The following SLC25A37 variants were observed in gnomAD, a reference collection of about 807,000 sequenced individuals.
SLC25A37 encodes mitoferrin-1.
A neutral mutation model predicts 31.0 loss-of-function variants in SLC25A37; 17 were observed. That is an observed-to-expected ratio of 0.55 (90% CI 0.38 to 0.82). The LOEUF (loss-of-function observed/expected upper bound fraction) is 0.82, where lower values mean the gene tolerates loss of function less well. SLC25A37 is among the 40% of genes least tolerant of loss of function. The probability of loss-of-function intolerance (pLI) is 0.00; values close to 1 mark genes in which losing one functional copy is unlikely to be tolerated. For missense variants in SLC25A37, 404 were observed against 465.8 expected, an observed-to-expected ratio of 0.87 and a Z score of 1.22; for synonymous variants, 222 against 193.0, an observed-to-expected ratio of 1.15 and a Z score of -1.24.
intron 1 of SLC25A37, among the ~76,000 whole-genome samples, chr8:23,557,013 G>A (rs1427086401): frequency 1.3e-5 from 2 of 152,112 alleles, no homozygotes; most frequent in Non-Finnish European, 2.9e-5. Context: ...ACTACACCTG[G>A]CTAATTTTTA....
intron 1 of SLC25A37, chr8:23,543,074 AT>A (rs775509439): frequency 1.8e-4 from 20 of 112,640 alleles, no homozygotes; most frequent in South Asian, 3.0e-4. Context: ...AATTTTATTT[AT>A]TTTTTTTTTT....
rs765943057 is a variant in SLC25A37 at position 23,571,455 on chromosome 8, C to G, written c.617C>G (p.Thr206Ser). 2.5e-6 allele frequency: 4 copies of G among 1,613,898 alleles called. No individual in the cohort carries two copies. In the African/African-American group the frequency reaches 5.3e-5, roughly 22 times the overall value. ...AFYRSYTTQLTMNIPFQSIHF... is the reference protein window; with the variant it reads ...AFYRSYTTQLSMNIPFQSIHF... ...TACCGGAGCTACACCACGCAGCTGA[C>G]CATGAACATCCCCTTCCAGTCCATC... The change falls in exon 4 of 4, where the codon ACC becomes AGC. Residue 206 changes from threonine (T) to serine (S), a missense_variant. This residue lies in a region of SLC25A37 where 243 missense variants were observed against 284.4 expected (regional missense o/e 0.85). Transcript: ENST00000519973.
In SLC25A37 at chr8:23,543,816, G is replaced by T. The variant is rs376306282; in HGVS notation, c.210+14604G>T. Among the ~76,000 whole-genome samples the T allele has an allele frequency of 1.3e-4, 19 of 149,888 alleles. No homozygotes were observed. In the East Asian group the frequency reaches 1.4e-3, roughly 11 times the overall value. On this transcript the variant is annotated intron_variant, in intron 1 of 3. Transcript: ENST00000519973. Reference sequence around the variant, plus strand: ...CTCCCAAGATGCTGGGATTACAGGCGTGAGCCACTGCGCCCAGCAAAAAAC... The same window carrying T: ...CTCCCAAGATGCTGGGATTACAGGCTTGAGCCACTGCGCCCAGCAAAAAAC...
chr8:23,531,395 G>A (rs981525689), intron 1 of SLC25A37, among the ~76,000 whole-genome samples: 6 of 152,166 alleles, frequency 3.9e-5, no homozygotes, highest in East Asian at 1.9e-4. Context: ...TTCATGCCTC[G>A]GGCACTGTTC....
intron 1 of SLC25A37, chr8:23,531,902 A>G (rs1198152391): frequency 6.6e-6 from 1 of 152,192 alleles, no homozygotes; most frequent in Non-Finnish European, 1.5e-5. Flanking sequence ...CTCTGCATTT[A>G]AAAATAAATA....
intron 1 of SLC25A37, among the ~76,000 whole-genome samples, chr8:23,560,003 A>G (rs1254218094): frequency 6.6e-6 from 1 of 152,174 alleles, no homozygotes; most frequent in Non-Finnish European, 1.5e-5. Context: ...TACATTTTAC[A>G]GGTAGTGGAG....
chr8:23,529,354 G>C lies in SLC25A37; in HGVS notation c.210+142G>C, dbSNP rs1269595477. 2.9e-6 allele frequency: 2 copies of C among 687,654 alleles called. No individual in the cohort carries two copies. Among genetic ancestry groups the C allele is most frequent in the African/African-American group, 3.8e-5 (2 of 52,996 alleles). The allele number at this position is 687,654 out of a possible 1,614,324, so 42.6% of individuals were successfully genotyped here. ...ACCGCGGCTGGCCGGGGTCGCCCCA[G>C]GAGCAGCTGCGCGCAGCCTGGGCGC... On this transcript the variant is annotated intron_variant, in intron 1 of 3. Transcript: ENST00000519973. This position sits in a 1 kb window ranked among gnomAD's most constrained non-coding sequence, Gnocchi z 4.1.
At chr8:23,568,272 C>T in intron 2 of SLC25A37, 50 bp from the exon 3 acceptor site, 1 of 1,606,684 alleles carries the variant, frequency 6.2e-7, no homozygotes, top group Non-Finnish European at 8.5e-7. Flanking sequence ...CCAGGAACTT[C>T]CTGAGAACAC....
chr8:23,568,090 T>G, intron 2 of SLC25A37: 1 of 583,896 alleles, frequency 1.7e-6, no homozygotes. Context: ...AAGAAAACCA[T>G]GTTTTTGCAA....
At chr8:23,554,398 G>C (rs555754244) in intron 1 of SLC25A37, among the ~76,000 whole-genome samples, 1 of 152,352 alleles carries the variant, frequency 6.6e-6, no homozygotes, top group East Asian at 1.9e-4. Context: ...TGGCAGCTCA[G>C]TTCCCTCTCC....
intron 1 of SLC25A37, among the ~76,000 whole-genome samples, chr8:23,533,616 T>G (rs1056837742): frequency 6.6e-6 from 1 of 152,252 alleles, no homozygotes; most frequent in South Asian, 2.1e-4. Flanking sequence ...TTCCTTCTTC[T>G]GACTCATCGG....
intron 1 of SLC25A37, among the ~76,000 whole-genome samples, chr8:23,550,338 C>T (rs767653484): frequency 1.3e-5 from 2 of 149,584 alleles, no homozygotes; most frequent in Non-Finnish European, 2.9e-5. Context: ...ACAGTGCTGC[C>T]GCCCTCCTTC....
chr8:23,534,743 T>C (rs745391642), intron 1 of SLC25A37, among the ~76,000 whole-genome samples: 3 of 152,216 alleles, frequency 2.0e-5, no homozygotes, highest in African/African-American at 7.2e-5. Context: ...GAAGAGATGG[T>C]ACCGATCTCC....
chr8:23,554,616 T>C (rs1802315129), intron 1 of SLC25A37, among the ~76,000 whole-genome samples: 2 of 152,186 alleles, frequency 1.3e-5, no homozygotes, highest in South Asian at 4.1e-4. Flanking sequence ...CTTCCATCCA[T>C]TGGAGGCTTT....
Position 23,571,928 on chromosome 8 carries a change from G to A in SLC25A37, c.*73G>A, listed in dbSNP as rs1207100075. Reference sequence around the variant, plus strand: ...CCAGCCCCTTGCCCTCTCCTCACACGTAGATCATTTTTTTTTTGCAGGGTG... The same window carrying A: ...CCAGCCCCTTGCCCTCTCCTCACACATAGATCATTTTTTTTTTGCAGGGTG... On this transcript the variant is annotated 3_prime_UTR_variant, in exon 4 of 4. Coordinates refer to ENST00000519973, the MANE Select transcript of SLC25A37 (RefSeq NM_016612.4). 4.7e-6 allele frequency: 7 copies of A among 1,488,628 alleles called. No homozygotes were observed. Among genetic ancestry groups the A allele is most frequent in the Admixed American group, 2.1e-5 (1 of 47,532 alleles). 92.2% of individuals were successfully genotyped at this position (1,488,628 alleles called of 1,614,324 possible). A position where few individuals can be genotyped will look rare whatever the true frequency, so the allele number is the denominator to read the frequency against.
chr8:23,548,403 C>A (rs1802126763), intron 1 of SLC25A37, among the ~76,000 whole-genome samples: 2 of 151,588 alleles, frequency 1.3e-5, no homozygotes, highest in South Asian at 4.2e-4. Flanking sequence ...TGGTCTCAAT[C>A]TCCTGACCTT....
rs1394382729 is a variant in SLC25A37 at position 23,544,149 on chromosome 8, C to T, written c.210+14937C>T. ...TGCTGGGATTACAGTTGTGAGTCACCGCGCCCAGCCTTCACTGTACTTTTG... is the reference window on the plus strand; with the variant it reads ...TGCTGGGATTACAGTTGTGAGTCACTGCGCCCAGCCTTCACTGTACTTTTG... On this transcript the variant is annotated intron_variant, in intron 1 of 3. Transcript: ENST00000519973. Among the ~76,000 whole-genome samples the T allele has an allele frequency of 4.6e-5, 7 of 152,190 alleles. No homozygotes were observed. In the East Asian group the frequency reaches 7.7e-4, roughly 17 times the overall value.
intron 1 of SLC25A37, among the ~76,000 whole-genome samples, chr8:23,530,666 T>A (rs1801645594): frequency 6.6e-6 from 1 of 152,156 alleles, no homozygotes; most frequent in Middle Eastern, 3.2e-3. Flanking sequence ...GTAATAAAAT[T>A]CTCCATGATT....
At position 23,529,261 on chromosome 8, in the gene SLC25A37, G is replaced by C. The variant is rs750132628; in HGVS notation, c.210+49G>C. On this transcript the variant is annotated intron_variant, in intron 1 of 3. Coordinates refer to ENST00000519973, the MANE Select transcript of SLC25A37 (RefSeq NM_016612.4). The surrounding 1 kb of genome is among the most constrained non-coding windows in gnomAD (Gnocchi z 4.1). ...GACGCAACGAGCGGAGAAGGAGCGC[G>C]CGCGCGCATTTGCATCCCGCGCGCC... is the stretch of plus-strand genomic sequence containing the variant. The C allele has an allele frequency of 1.3e-6, 2 of 1,545,284 alleles. No individual in the cohort carries two copies. The highest frequency in any genetic ancestry group is 3.8e-5 in the Admixed American group (2 of 52,290).
Sources: allele counts gnomAD v4.1 joint callset (sites outside exome capture counted in the v4.1 genomes callset), GRCh38; gene constraint gnomAD v4.1.1; regional missense constraint gnomAD v4.1.1; non-coding constraint Gnocchi (gnomAD v3.1); transcripts MANE v1.5; gene names NCBI Gene and HGNC (gene_info 2026-07-23, HGNC 2026-07-21).